KLHL15: variants seen among roughly 807,000 people sequenced by gnomAD.
KLHL15 encodes kelch like family member 15, also known as kelch-like protein 15.
In KLHL15, 1 loss-of-function variant was observed where a neutral mutation model predicts 29.3. The observed-to-expected ratio is 0.03, with a 90% CI of 0.01 to 0.16. KLHL15 has a LOEUF of 0.16. Among genes scored for constraint, KLHL15 ranks in the 10% least tolerant of loss-of-function variants. The pLI is 1.00. For synonymous variants in KLHL15, 212 were observed against 184.5 expected (o/e 1.15, Z -1.21); for missense variants, 215 against 478.5 (o/e 0.45, Z 5.14).
intron 2 of KLHL15, among the ~76,000 whole-genome samples, chrX:24,016,368 A>AGC (rs1929684774): frequency 1.3e-5 from 1 of 76,513 alleles, no homozygotes. Flanking sequence ...AAAAAAAAAA[A>AGC]GGGGGGGTAT....
chrX:23,997,539 TG>T (rs1330450970), intron 3 of KLHL15, among the ~76,000 whole-genome samples: 1 of 108,139 alleles, frequency 9.2e-6, no homozygotes, highest in East Asian at 2.9e-4. Flanking sequence ...AAGACCAGCC[TG>T]GCCAACATGG....
At chrX:23,999,031 C>T (rs772058131) in intron 3 of KLHL15, among the ~76,000 whole-genome samples, 2 of 110,831 alleles carry the variant, frequency 1.8e-5, no homozygotes, top group East Asian at 2.9e-4. Context: ...CTCAGCCTCC[C>T]GTGTAGCTGG....
At chrX:24,000,454 C>T (rs996754638) in intron 3 of KLHL15, among the ~76,000 whole-genome samples, 11 of 108,712 alleles carry the variant, frequency 1.0e-4, no homozygotes, top group African/African-American at 3.4e-4. Flanking sequence ...GCCTGTGAGA[C>T]TCCATCTCAA....
intron 3 of KLHL15, among the ~76,000 whole-genome samples, chrX:23,991,007 G>A (rs750803819): frequency 4.5e-5 from 5 of 110,404 alleles, no homozygotes; most frequent in Non-Finnish European, 9.5e-5. Flanking sequence ...TCAGCAAAGG[G>A]GTAAATAGCA....
Position 24,006,423 on chromosome X carries a change from A to T in KLHL15, c.271T>A (p.Tyr91Asn). 1 of 1,211,742 alleles carries T rather than the reference A, an allele frequency of 8.3e-7. No homozygotes were observed. The highest frequency in any genetic ancestry group is 1.1e-6 in the Non-Finnish European group (1 of 895,314). The change falls in exon 3 of 4, where the codon TAT (tyrosine) becomes AAT (asparagine). Residue 91 changes from tyrosine (Y) to asparagine (N), a missense_variant. Tyr to Asn is a moderately radical substitution (Grantham distance 143, BLOSUM62 -2). Transcript: ENST00000328046. Reference protein sequence around the residue: ...GFSHVLQFMYYGTIELSMNTV... With the variant: ...GFSHVLQFMYNGTIELSMNTV... ...TTCATACTCAGCTCTATAGTTCCATAGTACATAAATTGCAGGACATGGCTG... is the reference window on the plus strand; with the variant it reads ...TTCATACTCAGCTCTATAGTTCCATTGTACATAAATTGCAGGACATGGCTG...
chrX:23,999,877 A>G lies in KLHL15; in HGVS notation c.705+6112T>C, dbSNP rs760018812. 6.2e-5 allele frequency among the ~76,000 whole-genome samples: 7 copies of G among 112,410 alleles called. No homozygotes were observed. In the South Asian group the frequency reaches 1.1e-3, roughly 18 times the overall value. ...TTGCGTGATTTCGAAAGAACTGCAC[A>G]TGCGTTAATTACAATCTTCCAAAGT... On this transcript the variant is annotated intron_variant, in intron 3 of 3. Transcript: ENST00000328046.
intron 3 of KLHL15, among the ~76,000 whole-genome samples, chrX:24,002,234 G>GT (rs1438876951): frequency 8.9e-6 from 1 of 112,322 alleles, no homozygotes; most frequent in Non-Finnish European, 1.9e-5. Flanking sequence ...AACAATCATT[G>GT]TTTTTTAAAA....
At chrX:23,999,788 T>C (rs776206150) in intron 3 of KLHL15, among the ~76,000 whole-genome samples, 1 of 111,289 alleles carries the variant, frequency 9.0e-6, no homozygotes, top group East Asian at 2.8e-4. Context: ...GAGTCAAAGG[T>C]AGAAAATAAG....
At chrX:24,011,921 A>T (rs1929582846) in intron 2 of KLHL15, among the ~76,000 whole-genome samples, 1 of 113,056 alleles carries the variant, frequency 8.8e-6, no homozygotes, top group Non-Finnish European at 1.9e-5. Context: ...AGACCAAGGT[A>T]GGCGGATTGC....
chrX:24,002,603 G>GTT (rs576565042), intron 3 of KLHL15, among the ~76,000 whole-genome samples: 1 of 83,723 alleles, frequency 1.2e-5, no homozygotes, highest in Non-Finnish European at 2.4e-5. Context: ...CCTAGGCTAT[G>GTT]TTTTTTTTTT....
chrX:23,985,830 C>T lies in KLHL15; in HGVS notation c.*2091G>A, dbSNP rs1004287235. The T allele has an allele frequency of 2.1e-4, 23 of 111,788 alleles. No homozygotes were observed. The highest frequency in any genetic ancestry group is 6.8e-4 in the African/African-American group (21 of 30,843). The allele number at this position is 111,788 out of a possible 1,213,427, so 9.2% of individuals were successfully genotyped here. ...ACATCAATGAGGAAAATAATGAAGA[C>T]GTTATTTTCTTTAAAGCAAAATAGC... On this transcript the variant is annotated 3_prime_UTR_variant, in exon 4 of 4. Transcript: ENST00000328046.
chrX:23,999,075 T>A (rs1929254037), intron 3 of KLHL15, among the ~76,000 whole-genome samples: 1 of 108,999 alleles, frequency 9.2e-6, no homozygotes, highest in Non-Finnish European at 1.9e-5. Context: ...CCCAGCAAAT[T>A]TATTTGTATT....
At chrX:23,999,677 T>C (rs1929271961) in intron 3 of KLHL15, among the ~76,000 whole-genome samples, 1 of 102,533 alleles carries the variant, frequency 9.8e-6, no homozygotes, top group African/African-American at 3.4e-5. Flanking sequence ...GTCTGTCTAA[T>C]ACACTCCCCA....
chrX:23,987,704 G>T lies in KLHL15; in HGVS notation c.*217C>A. ...GCATTCTATTCAACTGCTTCTGGAA[G>T]TAGTTTCAAGAGCTAGCACTTAGAA... On this transcript the variant is annotated 3_prime_UTR_variant, in exon 4 of 4. Transcript: ENST00000328046. 1 of 353,605 alleles carries T rather than the reference G, an allele frequency of 2.8e-6. No homozygotes were observed. Among genetic ancestry groups the T allele is most frequent in the Non-Finnish European group, 4.9e-6 (1 of 204,958 alleles). 29.1% of individuals were successfully genotyped at this position (353,605 alleles called of 1,213,427 possible).
chrX:24,021,190 A>G (rs771089071), intron 2 of KLHL15, among the ~76,000 whole-genome samples: 1 of 111,693 alleles, frequency 9.0e-6, no homozygotes, highest in African/African-American at 3.3e-5. Flanking sequence ...AGCCTTTCCA[A>G]TGATTCTTAA....
intron 3 of KLHL15, among the ~76,000 whole-genome samples, chrX:24,004,601 G>A (rs1330681315): frequency 9.1e-6 from 1 of 109,563 alleles, no homozygotes; most frequent in Non-Finnish European, 1.9e-5. Flanking sequence ...GACCAGCCTG[G>A]CCAAGATGAT....
At chrX:24,007,991 T>C (rs978983173) in intron 2 of KLHL15, among the ~76,000 whole-genome samples, 1 of 111,194 alleles carries the variant, frequency 9.0e-6, no homozygotes, top group African/African-American at 3.3e-5. Context: ...CATATATTTG[T>C]TAGATGAGAA....
chrX:24,002,403 T>C (rs1929347080), intron 3 of KLHL15, among the ~76,000 whole-genome samples: 1 of 111,403 alleles, frequency 9.0e-6, no homozygotes, highest in Non-Finnish European at 1.9e-5. Context: ...ACTGAAACTG[T>C]AGTCTAGTTT....
rs200368636 is a variant in KLHL15 at position 23,988,212 on chromosome X, T to A, written c.1524A>T (p.Gly508=). ...VILRASFESQ[G]CPSTEVYNPE... ...GGTTGTATACTTCTGTAGAAGGGCA[T>A]CCCTGAGATTCGAAAGAGGCCCTCA... is the stretch of plus-strand genomic sequence containing the variant. Residue 508 remains glycine (G), a synonymous_variant, in exon 4 of 4, where the codon GGA becomes GGT. Coordinates refer to ENST00000328046, the MANE Select transcript of KLHL15 (RefSeq NM_030624.3). The A allele has an allele frequency of 8.3e-7, 1 of 1,211,680 alleles. No homozygotes were observed.
Sources: allele counts gnomAD v4.1 joint callset (sites outside exome capture counted in the v4.1 genomes callset), GRCh38; gene constraint gnomAD v4.1.1; transcripts MANE v1.5; gene names NCBI Gene and HGNC (gene_info 2026-07-23, HGNC 2026-07-21).